PACS2: variants seen among roughly 807,000 people sequenced by gnomAD.
PACS2 encodes the protein PACS1-like protein.
Under a neutral mutation model 113.0 loss-of-function variants are expected in PACS2, and 36 were observed. The observed-to-expected ratio is 0.32, with a 90% CI of 0.24 to 0.42. PACS2 has a LOEUF of 0.42. Ranked by LOEUF, PACS2 falls within the 10% of genes least tolerant of loss-of-function variation. The pLI is 1.00. For missense variants in PACS2, 1,015 were observed against 1,239.5 expected (o/e 0.82, Z 2.72); for synonymous variants, 589 against 536.1 (o/e 1.10, Z -1.36).
At chr14:105,334,821 G>A (rs192430479) in intron 1 of PACS2, among the ~76,000 whole-genome samples, 6 of 152,284 alleles carry the variant, frequency 3.9e-5, no homozygotes, top group Admixed American at 6.5e-5. Flanking sequence ...TGCACTGCGG[G>A]GGGGAGCTGT....
intron 24 of PACS2, chr14:105,393,591 T>G: frequency 2.4e-6 from 1 of 419,248 alleles, no homozygotes; most frequent in Non-Finnish European, 4.2e-6. Flanking sequence ...TTTTTTGTTT[T>G]GGTTTTTTTT....
intron 19 of PACS2, 117 bp from the exon 20 acceptor site, chr14:105,389,844 A>AGGGCCT: frequency 1.1e-6 from 1 of 908,642 alleles, no homozygotes; most frequent in Non-Finnish European, 1.8e-6. Context: ...CGGCAGGGCC[A>AGGGCCT]TCCGGCAGGG....
At chr14:105,339,509 T>TAA (rs112048576) in intron 1 of PACS2, among the ~76,000 whole-genome samples, 7,339 of 111,600 alleles carry the variant, frequency 0.066, 678 homozygotes, top group African/African-American at 0.21. Flanking sequence ...TCTGTCTCTA[T>TAA]AAAAAAAAAA....
At chr14:105,341,863 C>T (rs1317060326) in intron 1 of PACS2, among the ~76,000 whole-genome samples, 2 of 152,206 alleles carry the variant, frequency 1.3e-5, no homozygotes, top group Non-Finnish European at 2.9e-5. Flanking sequence ...CTGTCTGCTA[C>T]GGGACCGCAA....
Position 105,368,212 on chromosome 14 carries a change from G to T in PACS2, c.660+65G>T, listed in dbSNP as rs2061011373. On this transcript the variant is annotated intron_variant, in intron 6 of 24. Transcript: ENST00000447393. The stretch of plus-strand genomic sequence containing the variant: ...CACCGGGTGTCCTGGGGTCTGTGGG[G>T]TCCTCACCAGCTGTCACCAGGGCCT... 6 of 1,179,720 alleles carry T rather than the reference G, an allele frequency of 5.1e-6. No homozygotes were observed. The Middle Eastern group carries it at 1.2e-3, about 229-fold the overall frequency. 73.1% of individuals were successfully genotyped at this position (1,179,720 alleles called of 1,614,324 possible).
chr14:105,348,479 G>A lies in PACS2; in HGVS notation c.120-14G>A. The A allele has an allele frequency of 6.2e-7, 1 of 1,604,498 alleles. No homozygotes were observed. The highest frequency in any genetic ancestry group is 8.5e-7 in the Non-Finnish European group (1 of 1,173,454). ...GGGCGGAGCCCCGAGGCTGAGCTGTGCCTTGCCTCACAGGTTGTGCAGCCT... is the reference window on the plus strand; with the variant it reads ...GGGCGGAGCCCCGAGGCTGAGCTGTACCTTGCCTCACAGGTTGTGCAGCCT... On this transcript the variant is annotated splice_polypyrimidine_tract_variant and intron_variant, in intron 1 of 24. Transcript: ENST00000447393. The surrounding 1 kb of genome is among the most constrained non-coding windows in gnomAD (Gnocchi z 6.4).
intron 1 of PACS2, among the ~76,000 whole-genome samples, chr14:105,331,725 A>G (rs1412334382): frequency 6.6e-6 from 1 of 152,262 alleles, no homozygotes; most frequent in East Asian, 1.9e-4. Flanking sequence ...GCTGAAATGC[A>G]GGAGAAACAG....
intron 8 of PACS2, chr14:105,370,141 A>C: frequency 4.5e-6 from 2 of 446,946 alleles, no homozygotes; most frequent in Non-Finnish European, 8.0e-6. Context: ...TCGGAAAGTC[A>C]TTTTCAGGGG....
At chr14:105,373,802 A>C (rs1254797562) in intron 8 of PACS2, among the ~76,000 whole-genome samples, 3 of 149,908 alleles carry the variant, frequency 2.0e-5, no homozygotes, top group African/African-American at 7.5e-5. Flanking sequence ...AAAAAAAAGG[A>C]ATTTGGACCC....
At position 105,348,012 on chromosome 14, in the gene PACS2, A is replaced by C. The variant is rs2060006961; in HGVS notation, c.120-481A>C. Among the ~76,000 whole-genome samples the C allele has an allele frequency of 6.6e-6, 1 of 151,698 alleles. No individual in the cohort carries two copies. The highest frequency in any genetic ancestry group is 1.5e-5 in the Non-Finnish European group (1 of 67,920). On this transcript the variant is annotated intron_variant, in intron 1 of 24. Transcript: ENST00000447393. This position sits in a 1 kb window ranked among gnomAD's most constrained non-coding sequence, Gnocchi z 6.4. ...GAATGATGGAGGTGAAATGAACAGA[A>C]GGAAGGTTGGGGGAAAGCGTATCCC...
chr14:105,352,338 T>A, intron 2 of PACS2, 40 bp from the exon 3 acceptor site: 1 of 1,299,208 alleles, frequency 7.7e-7, no homozygotes, highest in South Asian at 1.2e-5. Context: ...CCTGCTGATA[T>A]GCAGTCCTTT....
chr14:105,358,682 T>C lies in PACS2; in HGVS notation c.423+3505T>C, dbSNP rs1011326019. 2.0e-5 allele frequency among the ~76,000 whole-genome samples: 3 copies of C among 152,232 alleles called. No homozygotes were observed. The highest frequency in any genetic ancestry group is 4.2e-4 in the South Asian group (2 of 4,816). On this transcript the variant is annotated intron_variant, in intron 4 of 24. Coordinates refer to ENST00000447393, the MANE Select transcript of PACS2 (RefSeq NM_001100913.3). The surrounding 1 kb of genome is among the most constrained non-coding windows in gnomAD (Gnocchi z 4.9). Reference sequence around the variant, plus strand: ...GCGGTGGTGGCTGAGGGAGCAGCCATGCTTCTTTGCACAGCCGGACTCCTC... The same window carrying C: ...GCGGTGGTGGCTGAGGGAGCAGCCACGCTTCTTTGCACAGCCGGACTCCTC...
chr14:105,354,968 G>A lies in PACS2; in HGVS notation c.298-84G>A. 5 of 1,435,778 alleles carry A rather than the reference G, an allele frequency of 3.5e-6. No homozygotes were observed. Among genetic ancestry groups the A allele is most frequent in the Non-Finnish European group, 3.8e-6 (4 of 1,045,148 alleles). 88.9% of individuals were successfully genotyped at this position (1,435,778 alleles called of 1,614,324 possible). A position where few individuals can be genotyped will look rare whatever the true frequency, so the allele number is the denominator to read the frequency against. ...CAGCAGGTTGGCCTGGTCGCAGGCTGCAGGGTGGCTGGGCCGTCAGAGGCC... is the reference window on the plus strand; with the variant it reads ...CAGCAGGTTGGCCTGGTCGCAGGCTACAGGGTGGCTGGGCCGTCAGAGGCC... On this transcript the variant is annotated intron_variant, in intron 3 of 24. Transcript: ENST00000447393. The surrounding 1 kb of genome is among the most constrained non-coding windows in gnomAD (Gnocchi z 4.2).
chr14:105,352,339 GC>G (rs2060211306), intron 2 of PACS2, 38 bp from the exon 3 acceptor site: 1 of 1,308,468 alleles, frequency 7.6e-7, no homozygotes, highest in African/African-American at 1.4e-5. Flanking sequence ...CTGCTGATAT[GC>G]AGTCCTTTGA....
intron 22 of PACS2, 112 bp from the exon 23 acceptor site, chr14:105,392,507 G>T: frequency 1.1e-6 from 1 of 907,356 alleles, no homozygotes; most frequent in Non-Finnish European, 1.7e-6. Context: ...TCCTCTGCTG[G>T]CAAGTTGGCA....
intron 24 of PACS2, 174 bp from the exon 25 acceptor site, chr14:105,394,380 A>G (rs1028844705): frequency 4.3e-5 from 42 of 985,152 alleles, no homozygotes; most frequent in Admixed American, 6.1e-5. Flanking sequence ...CTCAGGAGCC[A>G]GCATGGCCCT....
At chr14:105,321,384 A>C (rs2058880021) in intron 1 of PACS2, among the ~76,000 whole-genome samples, 1 of 151,184 alleles carries the variant, frequency 6.6e-6, no homozygotes, top group Non-Finnish European at 1.5e-5. Context: ...TTTTTTCCAG[A>C]CAGGATCTCA....
rs113369418 is a variant in PACS2, at chr14:105,360,433, A to G, written c.423+5256A>G. On this transcript the variant is annotated intron_variant, in intron 4 of 24. Transcript: ENST00000447393. ...GTGGCTCACACCTGTAATCCCAGCT[A>G]CTAGGGAGGGGAGGCAGGAGAATCA... Among the ~76,000 whole-genome samples, 80 of 151,864 alleles carry G rather than the reference A, an allele frequency of 5.3e-4. 3 individuals are homozygous for G. Among genetic ancestry groups the G allele is most frequent in the African/African-American group, 1.9e-3 (78 of 41,420 alleles).
intron 8 of PACS2, chr14:105,371,176 G>T (rs1173537660): frequency 1.3e-5 from 2 of 152,286 alleles, no homozygotes; most frequent in Non-Finnish European, 2.9e-5. Context: ...CACTGGGATG[G>T]TCATCGGGCC....
Sources: gnomAD v4.1 joint callset for allele counts (sites outside exome capture counted in the v4.1 genomes callset) on GRCh38, gnomAD v4.1.1 for gene constraint, Gnocchi (gnomAD v3.1) non-coding constraint, MANE v1.5 for transcripts, NCBI Gene and HGNC (gene_info 2026-07-23, HGNC 2026-07-21) for gene names.